ANKMY1: variants seen among roughly 807,000 people sequenced by gnomAD.
ANKMY1 encodes ankyrin repeat and MYND domain containing 1.
In ANKMY1, 98 loss-of-function variants were observed where a neutral mutation model predicts 102.0. The ratio of observed to expected loss-of-function variants is 0.96; its 90% CI spans 0.82 to 1.14. The LOEUF is 1.14. Among genes scored for constraint, ANKMY1 ranks in the 50% most tolerant of loss-of-function variants. The pLI is 0.00. For synonymous variants in ANKMY1, 582 were observed against 559.9 expected (o/e 1.04, Z -0.56); for missense variants, 1,330 against 1,347.6 (o/e 0.99, Z 0.20).
At chr2:240,487,094 G>A (rs370603957) in intron 15 of ANKMY1, among the ~76,000 whole-genome samples, 1 of 151,898 alleles carries the variant, frequency 6.6e-6, no homozygotes, top group Non-Finnish European at 1.5e-5. Flanking sequence ...CTGCATCTTT[G>A]TACCCTTTAA....
At chr2:240,470,298 C>G in the ANKMY1 span, among the ~76,000 whole-genome samples, 1 of 152,194 alleles carries the variant, frequency 6.6e-6, no homozygotes, top group Admixed American at 6.5e-5. Context: ...GCATGTGTCA[C>G]AGCCATCAAA....
At chr2:240,554,794 A>G (rs1159895840) in intron 3 of ANKMY1, 72 bp downstream of exon 3, 3 of 1,543,856 alleles carry the variant, frequency 1.9e-6, no homozygotes, top group Non-Finnish European at 2.7e-6. Flanking sequence ...CCGTCCCATC[A>G]CTCTTGGAAG....
chr2:240,492,300 T>C (rs574375026), intron 15 of ANKMY1, among the ~76,000 whole-genome samples: 2 of 152,256 alleles, frequency 1.3e-5, no homozygotes, highest in African/African-American at 2.4e-5. Flanking sequence ...CCCTACTTCA[T>C]TAATACATTT....
the ANKMY1 span, among the ~76,000 whole-genome samples, chr2:240,470,163 G>A: frequency 2.6e-5 from 4 of 152,146 alleles, no homozygotes; most frequent in East Asian, 1.9e-4. Flanking sequence ...ATTTATAATC[G>A]CAGTGCTCCC....
rs35186665 is a variant in ANKMY1 at position 240,525,844 on chromosome 2, G to A, written c.1176C>T (p.His392=). 0.1 allele frequency: 164,897 copies of A among 1,613,764 alleles called. 9,219 individuals are homozygous for A. Among genetic ancestry groups the A allele is most frequent in the Non-Finnish European group, 0.11 (134,916 of 1,179,768 alleles). ...GAAGGTTGACAATGTCGTTGTGGCA[G>A]TGAGTCTGGAGGGAGATGAGGCAGG... ...GYTVLAAAAT[H]CHNDIVNLLL... is the part of the protein sequence containing the mutation. The change falls in exon 7 of 18, where the codon CAC becomes CAT. Residue 392 remains histidine, a synonymous_variant. Coordinates refer to ENST00000401804, the MANE Select transcript of ANKMY1 (RefSeq NM_001282771.3).
In ANKMY1 at chr2:240,512,994, A is replaced by G. The variant is rs1158116368; in HGVS notation, c.2005-52T>C. ...GTGAGGCACATTCTCGTAGGGAGAG[A>G]CAGGTGAGGTACCTGAGGGACCCAA... On this transcript the variant is annotated intron_variant, in intron 9 of 17. Transcript: ENST00000401804. 1.9e-6 allele frequency: 3 copies of G among 1,582,000 alleles called. No homozygotes were observed. In the Admixed American group the frequency reaches 5.2e-5, roughly 27 times the overall value.
At position 240,529,523 on chromosome 2, in the gene ANKMY1, G is replaced by A. The variant is rs530446175; in HGVS notation, c.481-14C>T. On this transcript the variant is annotated splice_polypyrimidine_tract_variant and intron_variant, in intron 4 of 17. Transcript: ENST00000401804. This position sits in a 1 kb window ranked among gnomAD's most constrained non-coding sequence, Gnocchi z 4.2. ...TTTGTATAGCCCCTGCCAAGGAAGC[G>A]CAATAGACCGAGGAGAGATAACGCG... is the stretch of plus-strand genomic sequence containing the variant. 297 of 1,598,362 alleles carry A rather than the reference G, an allele frequency of 1.9e-4. 1 individual carries two copies. The highest frequency in any genetic ancestry group is 1.2e-3 in the South Asian group (105 of 89,390).
intron 4 of ANKMY1, 86 bp downstream of exon 4, chr2:240,552,828 C>A: frequency 6.3e-7 from 1 of 1,595,956 alleles, no homozygotes. Flanking sequence ...AAATAAACTT[C>A]CCCAGGACCG....
chr2:240,491,000 T>A (rs2076578862), intron 15 of ANKMY1, among the ~76,000 whole-genome samples: 1 of 152,182 alleles, frequency 6.6e-6, no homozygotes, highest in Admixed American at 6.5e-5. Context: ...GCTTTATGAA[T>A]CTGGGTGCTC....
Position 240,520,595 on chromosome 2 carries a change from G to C in ANKMY1, c.1833-62C>G. ...CAGGCACCTGCACTGCGCCCAGAACGGGGCCATGCCAGCGAGGAGGCTGGG... is the reference window on the plus strand; with the variant it reads ...CAGGCACCTGCACTGCGCCCAGAACCGGGCCATGCCAGCGAGGAGGCTGGG... On this transcript the variant is annotated intron_variant, in intron 8 of 17. Coordinates refer to ENST00000401804, the MANE Select transcript of ANKMY1 (RefSeq NM_001282771.3). This position sits in a 1 kb window ranked among gnomAD's most constrained non-coding sequence, Gnocchi z 4.8. The C allele has an allele frequency of 1.3e-6, 2 of 1,535,948 alleles. No homozygotes were observed. The highest frequency in any genetic ancestry group is 1.8e-6 in the Non-Finnish European group (2 of 1,141,610).
chr2:240,513,015 C>A, intron 9 of ANKMY1, 73 bp from the exon 10 acceptor site: 1 of 1,539,484 alleles, frequency 6.5e-7, no homozygotes, highest in Admixed American at 1.9e-5. Flanking sequence ...ACCTGAGGGA[C>A]CCAAATGCCA....
intron 4 of ANKMY1, among the ~76,000 whole-genome samples, chr2:240,548,113 A>C (rs1342838195): frequency 6.6e-6 from 1 of 152,236 alleles, no homozygotes; most frequent in Admixed American, 6.5e-5. Context: ...AAAAATCCTC[A>C]ATAAAATACT....
upstream of ANKMY1, chr2:240,560,496 G>A: frequency 1.1e-6 from 1 of 883,162 alleles, no homozygotes; most frequent in East Asian, 3.4e-5. Context: ...GCCCCAACGA[G>A]ACCCAAGCCC....
Position 240,529,756 on chromosome 2 carries a change from G to A in ANKMY1, c.481-247C>T, listed in dbSNP as rs1446972955. On this transcript the variant is annotated intron_variant, in intron 4 of 17. Transcript: ENST00000401804. The surrounding 1 kb of genome is among the most constrained non-coding windows in gnomAD (Gnocchi z 4.2). Reference sequence around the variant, plus strand: ...GAGGGGCAAGGGGGCAGCCAGGGAGGTCTCAGTGGCCTCTGAGGTGAGGAC... The same window carrying A: ...GAGGGGCAAGGGGGCAGCCAGGGAGATCTCAGTGGCCTCTGAGGTGAGGAC... 6.6e-6 allele frequency among the ~76,000 whole-genome samples: 1 copy of A among 152,146 alleles called. No individual in the cohort carries two copies. Among genetic ancestry groups the A allele is most frequent in the Non-Finnish European group, 1.5e-5 (1 of 68,028 alleles).
At chr2:240,523,801 C>T (rs2082792423) in intron 8 of ANKMY1, 84 bp downstream of exon 8, 3 of 1,528,372 alleles carry the variant, frequency 2.0e-6, no homozygotes, top group Non-Finnish European at 8.8e-7. Context: ...CCCACTGGCA[C>T]AGGGAAGAGA....
At chr2:240,513,092 G>C (rs977973984) in intron 9 of ANKMY1, 150 bp from the exon 10 acceptor site, 4 of 1,151,200 alleles carry the variant, frequency 3.5e-6, no homozygotes, top group Non-Finnish European at 4.8e-6. Flanking sequence ...GCAGGCTACT[G>C]GTCCCTGAAG....
intron 4 of ANKMY1, among the ~76,000 whole-genome samples, chr2:240,546,422 A>AC (rs1286211243): frequency 6.6e-6 from 1 of 152,242 alleles, no homozygotes; most frequent in Admixed American, 6.5e-5. Flanking sequence ...AAATGTAAAG[A>AC]CCATTGAGAC....
At chr2:240,471,283 A>G in the ANKMY1 span, among the ~76,000 whole-genome samples, 1 of 144,972 alleles carries the variant, frequency 6.9e-6, no homozygotes. Flanking sequence ...TTTTTGAGAC[A>G]GAGTATCTGT....
chr2:240,475,737 C>A (rs951961613), downstream of ANKMY1, among the ~76,000 whole-genome samples: 9 of 151,500 alleles, frequency 5.9e-5, no homozygotes, highest in Non-Finnish European at 1.3e-4. Context: ...TTCATTATTA[C>A]GTCTAACAGG....
Sources: gnomAD v4.1 joint callset for allele counts (sites outside exome capture counted in the v4.1 genomes callset) on GRCh38, gnomAD v4.1.1 for gene constraint, Gnocchi (gnomAD v3.1) non-coding constraint, MANE v1.5 for transcripts, NCBI Gene and HGNC (gene_info 2026-07-23, HGNC 2026-07-21) for gene names.